Variants in RBFOX3 observed in about 807,000 individuals in gnomAD.
The protein encoded by RBFOX3 is RNA binding protein fox-1 homolog 3.
A neutral mutation model predicts 48.7 loss-of-function variants in RBFOX3; 17 were observed. That is an observed-to-expected ratio of 0.35 (90% CI 0.24 to 0.52). The LOEUF (loss-of-function observed/expected upper bound fraction) is 0.52, where lower values mean the gene tolerates loss of function less well. Among genes scored for constraint, RBFOX3 ranks in the 20% least tolerant of loss-of-function variants. The pLI is 0.94. For missense variants in RBFOX3, 382 were observed against 497.5 expected (o/e 0.77, Z 2.21); for synonymous variants, 212 against 209.5 (o/e 1.01, Z -0.10).
intron 2 of RBFOX3, among the ~76,000 whole-genome samples, chr17:79,472,667 CA>C (rs1445948646): frequency 2.0e-5 from 3 of 152,216 alleles, no homozygotes; most frequent in African/African-American, 7.2e-5. Flanking sequence ...TGTGAGCCCC[CA>C]GGCTGAGGGG....
chr17:79,121,700 C>A (rs2035781479), intron 4 of RBFOX3, among the ~76,000 whole-genome samples: 1 of 152,150 alleles, frequency 6.6e-6, no homozygotes, highest in African/African-American at 2.4e-5. Flanking sequence ...TCAGTTGGTT[C>A]TATTTTACTG....
At chr17:79,155,220 A>C (rs1187854597) in intron 4 of RBFOX3, among the ~76,000 whole-genome samples, 1 of 152,228 alleles carries the variant, frequency 6.6e-6, no homozygotes, top group Non-Finnish European at 1.5e-5. Flanking sequence ...CACAGAGCCC[A>C]CAAGGTGGGG....
rs1007382721 is a variant in RBFOX3, at chr17:79,299,112, T to C, written c.-74+8612A>G. On this transcript the variant is annotated intron_variant, in intron 3 of 14. Coordinates refer to ENST00000693108, the MANE Select transcript of RBFOX3 (RefSeq NM_001350451.2). The surrounding 1 kb of genome is among the most constrained non-coding windows in gnomAD (Gnocchi z 4.5). ...GGAAATACGGGAGGGACATGGGAAA[T>C]GAACTAATAAATAAGAGGCCAGGTG... Among the ~76,000 whole-genome samples the C allele has an allele frequency of 2.0e-5, 3 of 148,038 alleles. No individual in the cohort carries two copies. Among genetic ancestry groups the C allele is most frequent in the Non-Finnish European group, 4.5e-5 (3 of 67,368 alleles).
At position 79,535,649 on chromosome 17, in the gene RBFOX3, G is replaced by A. The variant is rs1174175028; in HGVS notation, c.-319-53051C>T. On this transcript the variant is annotated intron_variant, in intron 1 of 14. Coordinates refer to ENST00000693108, the MANE Select transcript of RBFOX3 (RefSeq NM_001350451.2). This position sits in a 1 kb window ranked among gnomAD's most constrained non-coding sequence, Gnocchi z 4.5. ...CTGGGCGGACAAGGCAGGATAGCCA[G>A]CCCACAAAGACACAGTATGCGCAGC... 2.6e-5 allele frequency among the ~76,000 whole-genome samples: 4 copies of A among 152,168 alleles called. No individual in the cohort carries two copies. The South Asian group carries it at 8.3e-4, about 32-fold the overall frequency.
intron 1 of RBFOX3, among the ~76,000 whole-genome samples, chr17:79,520,867 G>A (rs2085969584): frequency 6.6e-6 from 1 of 152,228 alleles, no homozygotes; most frequent in Non-Finnish European, 1.5e-5. Flanking sequence ...GCCCCATGCT[G>A]CAAGAGGTCC....
the RBFOX3 span, among the ~76,000 whole-genome samples, chr17:79,636,030 G>A: frequency 2.6e-5 from 4 of 152,126 alleles, no homozygotes; most frequent in Non-Finnish European, 5.9e-5. Flanking sequence ...AAATGTTTGT[G>A]CCTTTGATCT....
chr17:79,548,824 A>T (rs2090833604), intron 1 of RBFOX3, among the ~76,000 whole-genome samples: 1 of 152,216 alleles, frequency 6.6e-6, no homozygotes, highest in Admixed American at 6.5e-5. Flanking sequence ...TACCTGCAGA[A>T]TGAATATATG....
At chr17:79,437,194 C>A (rs1041491453) in intron 2 of RBFOX3, among the ~76,000 whole-genome samples, 14 of 152,188 alleles carry the variant, frequency 9.2e-5, no homozygotes, top group African/African-American at 3.1e-4. Flanking sequence ...CCCCCAGGAG[C>A]CCCCCTGGGG....
intron 4 of RBFOX3, among the ~76,000 whole-genome samples, chr17:79,192,161 T>A (rs2054646486): frequency 6.6e-6 from 1 of 152,130 alleles, no homozygotes; most frequent in Non-Finnish European, 1.5e-5. Context: ...CCAGCGATGT[T>A]TTGGCCCCAA....
chr17:79,156,540 G>A (rs2045848050), intron 4 of RBFOX3, among the ~76,000 whole-genome samples: 1 of 152,192 alleles, frequency 6.6e-6, no homozygotes, highest in South Asian at 2.1e-4. Flanking sequence ...CAGGCCTAGG[G>A]TCCCCATGGT....
chr17:79,619,482 T>C, the RBFOX3 span, among the ~76,000 whole-genome samples: 1 of 152,174 alleles, frequency 6.6e-6, no homozygotes, highest in African/African-American at 2.4e-5. Flanking sequence ...TCCGCCTCTG[T>C]CTTCATGCAG....
chr17:79,470,143 C>A (rs2076883047), intron 2 of RBFOX3, among the ~76,000 whole-genome samples: 1 of 152,130 alleles, frequency 6.6e-6, no homozygotes, highest in Non-Finnish European at 1.5e-5. Context: ...TGGCCCCGAT[C>A]CAGACCCAAA....
the RBFOX3 span, among the ~76,000 whole-genome samples, chr17:79,645,337 C>A: frequency 2.0e-5 from 3 of 151,958 alleles, no homozygotes; most frequent in South Asian, 4.1e-4. Flanking sequence ...TGACTAGCCA[C>A]CCGCCAGAAA....
At chr17:79,126,169 C>T (rs2037210182) in intron 4 of RBFOX3, among the ~76,000 whole-genome samples, 2 of 152,230 alleles carry the variant, frequency 1.3e-5, no homozygotes, top group Admixed American at 1.3e-4. Context: ...GCCACATTCC[C>T]AGTTTGAATG....
At chr17:79,374,327 G>A (rs883636) in intron 2 of RBFOX3, among the ~76,000 whole-genome samples, 50,492 of 152,070 alleles carry the variant, frequency 0.33, 8,564 homozygotes, top group Non-Finnish European at 0.36. Context: ...GTTTCCAGGC[G>A]AGGGGGCTGG....
At chr17:79,458,550 G>A (rs2074920812) in intron 2 of RBFOX3, among the ~76,000 whole-genome samples, 1 of 152,028 alleles carries the variant, frequency 6.6e-6, no homozygotes, top group African/African-American at 2.4e-5. Context: ...GTTGAGATAC[G>A]GAACTGCTGC....
chr17:79,339,725 C>A (rs529200119), intron 2 of RBFOX3, among the ~76,000 whole-genome samples: 1 of 152,190 alleles, frequency 6.6e-6, no homozygotes, highest in Non-Finnish European at 1.5e-5. Flanking sequence ...CAACTGTTGG[C>A]CTGGAAGTTG....
In RBFOX3 at chr17:79,242,034, T is replaced by A. The variant is rs1419654397; in HGVS notation, c.-73-6229A>T. Among the ~76,000 whole-genome samples, 1 of 152,230 alleles carries A rather than the reference T, an allele frequency of 6.6e-6. No individual in the cohort carries two copies. Among genetic ancestry groups the A allele is most frequent in the East Asian group, 1.9e-4 (1 of 5,200 alleles). ...ACACAGCTTCCACGTATTCACTCGATTCTTTGCTTTCTTTCCTTCCATGTT... is the reference window on the plus strand; with the variant it reads ...ACACAGCTTCCACGTATTCACTCGAATCTTTGCTTTCTTTCCTTCCATGTT... On this transcript the variant is annotated intron_variant, in intron 3 of 14. Coordinates refer to ENST00000693108, the MANE Select transcript of RBFOX3 (RefSeq NM_001350451.2). The surrounding 1 kb of genome is among the most constrained non-coding windows in gnomAD (Gnocchi z 5.8).
At chr17:79,176,034 G>A (rs537784370) in intron 4 of RBFOX3, among the ~76,000 whole-genome samples, 1 of 152,316 alleles carries the variant, frequency 6.6e-6, no homozygotes, top group South Asian at 2.1e-4. Flanking sequence ...ACCCCAGGAA[G>A]GGCAGGACAG....
Sources: allele counts gnomAD v4.1 joint callset (sites outside exome capture counted in the v4.1 genomes callset), GRCh38; gene constraint gnomAD v4.1.1; non-coding constraint Gnocchi (gnomAD v3.1); transcripts MANE v1.5; gene names NCBI Gene and HGNC (gene_info 2026-07-23, HGNC 2026-07-21).